Variants in MACROD2 observed in about 807,000 individuals in gnomAD.
MACROD2 encodes the protein ADP-ribose glycohydrolase MACROD2.
A neutral mutation model predicts 70.4 loss-of-function variants in MACROD2; 36 were observed. The observed-to-expected ratio is 0.51, with a 90% confidence interval of 0.39 to 0.68. The LOEUF is 0.68. Ranked by LOEUF, MACROD2 falls within the 30% of genes least tolerant of loss-of-function variation. MACROD2 has a pLI of 0.00. For synonymous variants in MACROD2, 172 were observed against 178.8 expected, an observed-to-expected ratio of 0.96 and a Z score of 0.30; for missense variants, 496 against 538.4, an observed-to-expected ratio of 0.92 and a Z score of 0.78.
intron 8 of MACROD2, among the ~76,000 whole-genome samples, chr20:15,609,022 A>G (rs2048930890): frequency 6.6e-6 from 1 of 151,968 alleles, no homozygotes; most frequent in Non-Finnish European, 1.5e-5. Flanking sequence ...TTCTTGTGGG[A>G]TGATGTCCCA....
chr20:14,453,569 A>G (rs1424714835), intron 3 of MACROD2, among the ~76,000 whole-genome samples: 1 of 152,146 alleles, frequency 6.6e-6, no homozygotes, highest in Admixed American at 6.5e-5. Flanking sequence ...TGCTTTAAGT[A>G]CGTGGGATTC....
intron 12 of MACROD2, among the ~76,000 whole-genome samples, chr20:15,948,016 T>G (rs1451768030): frequency 6.6e-6 from 1 of 152,060 alleles, no homozygotes; most frequent in Non-Finnish European, 1.5e-5. Flanking sequence ...AGGAAGCAGT[T>G]AGAGCGGTCA....
chr20:15,272,250 G>T (rs1340737013), intron 6 of MACROD2, among the ~76,000 whole-genome samples: 1 of 152,180 alleles, frequency 6.6e-6, no homozygotes, highest in Admixed American at 6.5e-5. Context: ...CAATCCCAAT[G>T]TATTAGCATT....
chr20:14,326,411 T>G lies in MACROD2; in HGVS notation c.272-167068T>G, dbSNP rs371671990. On this transcript the variant is annotated intron_variant, in intron 3 of 17. Coordinates refer to ENST00000684519, the MANE Select transcript of MACROD2 (RefSeq NM_001351661.2). This position sits in a 1 kb window ranked among gnomAD's most constrained non-coding sequence, Gnocchi z 5.5. ...ACTGTGTTGGGTATTGCAGTGGTTA[T>G]CTGAATGGTGCTTACAATCCCACTG... The G allele has an allele frequency of 7.2e-5, 117 of 1,613,824 alleles. No individual in the cohort carries two copies. The highest frequency in any genetic ancestry group is 9.5e-5 in the Non-Finnish European group (112 of 1,179,904).
At chr20:14,700,264 ACTT>A (rs766972105) in intron 5 of MACROD2, among the ~76,000 whole-genome samples, 5 of 152,034 alleles carry the variant, frequency 3.3e-5, no homozygotes, top group Non-Finnish European at 5.9e-5. Flanking sequence ...CTCATTTTTC[ACTT>A]CTTCTTTTCA....
intron 5 of MACROD2, among the ~76,000 whole-genome samples, chr20:14,941,311 G>A (rs998421548): frequency 1.3e-5 from 2 of 151,954 alleles, no homozygotes; most frequent in Non-Finnish European, 1.5e-5. Context: ...GGGGTTGGTA[G>A]TCCTGCCTCA....
At position 14,872,517 on chromosome 20, in the gene MACROD2, C is replaced by T. The variant is rs147484129; in HGVS notation, c.418+187558C>T. ...TCAGTAATCAGAGAGTCATCATTCA[C>T]GAGGGGAAAATGGCTAGTGGTATGA... On this transcript the variant is annotated intron_variant, in intron 5 of 17. Coordinates refer to ENST00000684519, the MANE Select transcript of MACROD2 (RefSeq NM_001351661.2). Among the ~76,000 whole-genome samples the T allele has an allele frequency of 4.5e-4, 69 of 152,094 alleles. 1 individual carries two copies. Among genetic ancestry groups the T allele is most frequent in the South Asian group, 1.3e-3 (6 of 4,798 alleles).
At chr20:14,360,851 A>C (rs1326970317) in intron 3 of MACROD2, among the ~76,000 whole-genome samples, 1 of 152,210 alleles carries the variant, frequency 6.6e-6, no homozygotes, top group African/African-American at 2.4e-5. Flanking sequence ...GGTGCCTGCC[A>C]TATGATCACA....
chr20:15,791,388 A>T (rs1438931928), intron 8 of MACROD2, among the ~76,000 whole-genome samples: 1 of 151,844 alleles, frequency 6.6e-6, no homozygotes, highest in Admixed American at 6.6e-5. Context: ...CAATCTGTAT[A>T]AAAAAAACCA....
chr20:15,756,606 G>T (rs1482876889), intron 8 of MACROD2, among the ~76,000 whole-genome samples: 1 of 152,114 alleles, frequency 6.6e-6, no homozygotes, highest in Non-Finnish European at 1.5e-5. Context: ...AATGGGGGTG[G>T]GTAGGTAAAG....
At chr20:14,690,974 A>G (rs762988313) in intron 5 of MACROD2, among the ~76,000 whole-genome samples, 3 of 152,190 alleles carry the variant, frequency 2.0e-5, no homozygotes, top group South Asian at 2.1e-4. Flanking sequence ...CTGGAGTGCA[A>G]TGGCGCGATC....
chr20:15,261,622 A>G (rs1188704536), intron 6 of MACROD2, among the ~76,000 whole-genome samples: 1 of 151,980 alleles, frequency 6.6e-6, no homozygotes, highest in African/African-American at 2.4e-5. Flanking sequence ...GAACAGCAAG[A>G]CTGATGCTTT....
intron 12 of MACROD2, among the ~76,000 whole-genome samples, chr20:15,949,911 T>C (rs2065881673): frequency 6.6e-6 from 1 of 152,200 alleles, no homozygotes; most frequent in African/African-American, 2.4e-5. Context: ...ATGCATGAAG[T>C]CTTTTCTGTC....
At chr20:15,719,139 C>A (rs1348567115) in intron 8 of MACROD2, among the ~76,000 whole-genome samples, 4 of 152,104 alleles carry the variant, frequency 2.6e-5, no homozygotes, top group African/African-American at 7.2e-5. Flanking sequence ...TGCTACTGAA[C>A]AAAAGCTATA....
At chr20:14,610,711 A>T (rs1413007050) in intron 4 of MACROD2, among the ~76,000 whole-genome samples, 1 of 152,078 alleles carries the variant, frequency 6.6e-6, no homozygotes, top group Non-Finnish European at 1.5e-5. Context: ...CTAGCATTGT[A>T]TGAGGGTTTT....
chr20:15,606,339 C>A (rs2048892701), intron 8 of MACROD2, among the ~76,000 whole-genome samples: 1 of 152,166 alleles, frequency 6.6e-6, no homozygotes, highest in Non-Finnish European at 1.5e-5. Flanking sequence ...ACATCTCAGG[C>A]TTTTTCCTGC....
intron 8 of MACROD2, among the ~76,000 whole-genome samples, chr20:15,576,137 C>A (rs2048444303): frequency 2.6e-5 from 4 of 151,956 alleles, no homozygotes; most frequent in Admixed American, 2.6e-4. Flanking sequence ...AAATTCACTT[C>A]TTTTCTCTTT....
At chr20:15,316,939 T>C (rs1274240172) in intron 6 of MACROD2, among the ~76,000 whole-genome samples, 1 of 151,930 alleles carries the variant, frequency 6.6e-6, no homozygotes, top group Non-Finnish European at 1.5e-5. Context: ...TAAAATTAAA[T>C]AACACACTCT....
At chr20:14,462,364 C>T (rs2084382719) in intron 3 of MACROD2, among the ~76,000 whole-genome samples, 1 of 152,034 alleles carries the variant, frequency 6.6e-6, no homozygotes, top group African/African-American at 2.4e-5. Flanking sequence ...ATCCTTCACC[C>T]ACTTTTTGAT....
Sources: gnomAD v4.1 joint callset for allele counts (sites outside exome capture counted in the v4.1 genomes callset) on GRCh38, gnomAD v4.1.1 for gene constraint, Gnocchi (gnomAD v3.1) non-coding constraint, MANE v1.5 for transcripts, NCBI Gene and HGNC (gene_info 2026-07-23, HGNC 2026-07-21) for gene names.